Variants in FBN3 observed in about 807,000 individuals in gnomAD.
The protein encoded by FBN3 is fibrillin-3.
In FBN3, 234 loss-of-function variants were observed where a neutral mutation model predicts 330.1. The observed-to-expected ratio is 0.71, with a 90% confidence interval of 0.64 to 0.79. The LOEUF (loss-of-function observed/expected upper bound fraction) is 0.79, where lower values mean the gene tolerates loss of function less well. FBN3 is among the 30% of genes least tolerant of loss of function. The pLI, the probability that FBN3 is intolerant of heterozygous loss-of-function variation, is 0.00. For synonymous variants in FBN3, 1,458 were observed against 1,517.3 expected, an observed-to-expected ratio of 0.96 and a Z score of 0.91; for missense variants, 3,606 against 3,886.9, an observed-to-expected ratio of 0.93 and a Z score of 1.92.
rs776301980 is a variant in FBN3, at chr19:8,141,981, C to T, written c.698G>A (p.Arg233His). ...ELCPAQPHPC[R>H]RGFIPNIHTG... ...GTGGATATTGGGGATGAAGCCGCGG[C>T]GGCAGGGGTGTGGCTGTGCAGGGCA... The change falls in exon 7 of 64, where the codon CGC (arginine) becomes CAC (histidine). Residue 233 changes from arginine (R) to histidine (H), a missense_variant. Transcript: ENST00000600128. 29 of 1,614,016 alleles carry T rather than the reference C, an allele frequency of 1.8e-5. No homozygotes were observed. Among genetic ancestry groups the T allele is most frequent in the African/African-American group, 8.0e-5 (6 of 74,904 alleles).
intron 62 of FBN3, 61 bp downstream of exon 62, chr19:8,073,002 T>TGTGTGTGA: frequency 1.1e-6 from 1 of 930,896 alleles, no homozygotes; most frequent in Non-Finnish European, 1.7e-6. Context: ...TGTGTGTGTG[T>TGTGTGTGA]GCGTGCGTGC....
At position 8,096,775 on chromosome 19, in the gene FBN3, T is replaced by A; in HGVS notation, c.5413+106A>T. 7.6e-7 allele frequency: 1 copy of A among 1,313,104 alleles called. No homozygotes were observed. The highest frequency in any genetic ancestry group is 1.1e-6 in the Non-Finnish European group (1 of 946,352). 81.3% of individuals were successfully genotyped at this position (1,313,104 alleles called of 1,614,324 possible). A position where few individuals can be genotyped will look rare whatever the true frequency, so the allele number is the denominator to read the frequency against. On this transcript the variant is annotated intron_variant, in intron 43 of 63. Coordinates refer to ENST00000600128, the MANE Select transcript of FBN3 (RefSeq NM_032447.5). The surrounding 1 kb of genome is among the most constrained non-coding windows in gnomAD (Gnocchi z 4.6). ...ACTCTCAATACATCCCCCACCCCCC[T>A]AATAGTATAGAAAAGGAGAAAGACC... is the stretch of plus-strand genomic sequence containing the variant.
At chr19:8,104,161 A>C (rs2082388548) in intron 38 of FBN3, among the ~76,000 whole-genome samples, 1 of 75,788 alleles carries the variant, frequency 1.3e-5, no homozygotes, top group Admixed American at 1.8e-4. Context: ...ATATGACATT[A>C]AGTGAAAAAA....
Position 8,125,928 on chromosome 19 carries a change from C to T in FBN3, c.2695G>A (p.Gly899Ser), listed in dbSNP as rs2082969825. The T allele has an allele frequency of 6.2e-7, 1 of 1,613,560 alleles. No homozygotes were observed. Among genetic ancestry groups the T allele is most frequent in the Non-Finnish European group, 8.5e-7 (1 of 1,180,004 alleles). Residue 899 changes from glycine (G) to serine (S), a missense_variant, in exon 22 of 64, where the codon GGC (glycine) becomes AGC (serine). Gly to Ser is a moderately conservative substitution (Grantham distance 56). Coordinates refer to ENST00000600128, the MANE Select transcript of FBN3 (RefSeq NM_032447.5). ...CGGCCTGAGGCGTCCAGCATCAGGC[C>T]CTCTGGACACTCACAGCGGAAAGAC... ...AGSFRCECPE[G>S]LMLDASGRLC...
At chr19:8,105,877 C>G (rs949596231) in intron 38 of FBN3, among the ~76,000 whole-genome samples, 1 of 152,170 alleles carries the variant, frequency 6.6e-6, no homozygotes, top group African/African-American at 2.4e-5. Context: ...AAGGGAGTGT[C>G]GTGGCATTTT....
At chr19:8,126,226 A>T in intron 21 of FBN3, 71 bp downstream of exon 21, 1 of 1,506,496 alleles carries the variant, frequency 6.6e-7, no homozygotes, top group East Asian at 2.3e-5. Flanking sequence ...GGTGGCACCC[A>T]TGAGGGTGGT....
Position 8,094,474 on chromosome 19 carries a change from G to A in FBN3, c.5877C>T (p.Gly1959=), listed in dbSNP as rs1437524601. The A allele has an allele frequency of 2.5e-6, 4 of 1,613,632 alleles. No individual in the cohort carries two copies. Among genetic ancestry groups the A allele is most frequent in the Non-Finnish European group, 2.5e-6 (3 of 1,179,790 alleles). The change falls in exon 47 of 64, where the codon GGC becomes GGT. Residue 1959 remains glycine, a synonymous_variant. Coordinates refer to ENST00000600128, the MANE Select transcript of FBN3 (RefSeq NM_032447.5). ...EGSFRCICPP[G]FQVQSDHCID... is the part of the protein sequence containing the mutation. ...TGCAGTGGTCACTCTGCACCTGGAA[G>A]CCAGGGGGACAGATGCAGCGGAAGG...
At chr19:8,073,678 G>A (rs1176232638) in intron 61 of FBN3, among the ~76,000 whole-genome samples, 1 of 152,264 alleles carries the variant, frequency 6.6e-6, no homozygotes, top group East Asian at 1.9e-4. Flanking sequence ...AAACCTATCC[G>A]CCTCCAATTG....
In FBN3 at chr19:8,066,098, G is replaced by C; in HGVS notation, c.8251C>G (p.Arg2751Gly). The C allele has an allele frequency of 6.2e-7, 1 of 1,613,538 alleles. No homozygotes were observed. The highest frequency in any genetic ancestry group is 1.3e-5 in the African/African-American group (1 of 75,068). ...IVRGNEQGFF[R>G]MHHLRGVSSL... ...CTGACGCCACGGAGGTGATGCATGC[G>C]AAAGAAACCTTGCTCGTTTCCGCGG... The change falls in exon 64 of 64, where the codon CGC becomes GGC. Residue 2751 changes from arginine to glycine, a missense_variant. Arg to Gly is a moderately radical substitution (Grantham distance 125). Transcript: ENST00000600128.
At chr19:8,148,252 C>T (rs2083597133) in intron 1 of FBN3, among the ~76,000 whole-genome samples, 1 of 152,138 alleles carries the variant, frequency 6.6e-6, no homozygotes, top group Non-Finnish European at 1.5e-5. Context: ...CCTTTTCTAA[C>T]ATCACACCTC....
intron 8 of FBN3, among the ~76,000 whole-genome samples, chr19:8,139,943 C>T (rs2083374550): frequency 6.6e-6 from 1 of 151,910 alleles, no homozygotes; most frequent in Non-Finnish European, 1.5e-5. Context: ...CCTCCCCTTG[C>T]ACCTGGGGGC....
intron 9 of FBN3, 41 bp downstream of exon 9, chr19:8,138,371 C>G: frequency 6.2e-7 from 1 of 1,610,160 alleles, no homozygotes; most frequent in Non-Finnish European, 8.5e-7. Flanking sequence ...TCCCCTGTCC[C>G]CTCCTCACCC....
At position 8,129,159 on chromosome 19, in the gene FBN3, G is replaced by T; in HGVS notation, c.2171-6C>A. On this transcript the variant is annotated splice_polypyrimidine_tract_variant and splice_region_variant and intron_variant, in intron 17 of 63. Coordinates refer to ENST00000600128, the MANE Select transcript of FBN3 (RefSeq NM_032447.5). This position sits in a 1 kb window ranked among gnomAD's most constrained non-coding sequence, Gnocchi z 4.5. The stretch of plus-strand genomic sequence containing the variant: ...GAGGGCACACTCATCCACGTCTGTG[G>T]GGTGGGGGTGGGAGAGAGGGGTGAG... The T allele has an allele frequency of 6.2e-7, 1 of 1,612,742 alleles. No individual in the cohort carries two copies. Among genetic ancestry groups the T allele is most frequent in the Non-Finnish European group, 8.5e-7 (1 of 1,179,622 alleles).
At position 8,131,505 on chromosome 19, in the gene FBN3, A is replaced by G. The variant is rs767288554; in HGVS notation, c.1990+49T>C. The G allele has an allele frequency of 6.4e-7, 1 of 1,561,366 alleles. No homozygotes were observed. The highest frequency in any genetic ancestry group is 8.7e-7 in the Non-Finnish European group (1 of 1,149,640). On this transcript the variant is annotated intron_variant, in intron 15 of 63. Transcript: ENST00000600128. The surrounding 1 kb of genome is among the most constrained non-coding windows in gnomAD (Gnocchi z 4.5). Reference sequence around the variant, plus strand: ...CCCCACCAGAAGCGAGAACCGATGGAGGCATTCAGACCAAGGAGGCGATGG... The same window carrying G: ...CCCCACCAGAAGCGAGAACCGATGGGGGCATTCAGACCAAGGAGGCGATGG...
chr19:8,145,944 G>T lies in FBN3; in HGVS notation c.350-6C>A. On this transcript the variant is annotated splice_polypyrimidine_tract_variant and splice_region_variant and intron_variant, in intron 4 of 63. Coordinates refer to ENST00000600128, the MANE Select transcript of FBN3 (RefSeq NM_032447.5). ...GCTCACACTGCACCCTGACCCTGGG[G>T]ACAGGAAGGCAGGACGCATAGTAAT... The T allele has an allele frequency of 6.4e-7, 1 of 1,550,606 alleles. No individual in the cohort carries two copies. Among genetic ancestry groups the T allele is most frequent in the Non-Finnish European group, 8.7e-7 (1 of 1,146,456 alleles).
chr19:8,095,803 C>T (rs2082196159), intron 45 of FBN3, among the ~76,000 whole-genome samples, 161 bp downstream of exon 45: 1 of 152,024 alleles, frequency 6.6e-6, no homozygotes, highest in South Asian at 2.1e-4. Context: ...TTCTAATTTT[C>T]CTTATGATTT....
rs202201754 is a variant in FBN3 at position 8,131,850 on chromosome 19, C to A, written c.1715-21G>T. On this transcript the variant is annotated intron_variant, in intron 14 of 63. Transcript: ENST00000600128. This position sits in a 1 kb window ranked among gnomAD's most constrained non-coding sequence, Gnocchi z 4.5. ...AATGTCTGCAGAAGCAGTGGCGGCA[C>A]GGGGATGGGTTCCAGCGTGCTCCCT... 2 of 1,559,556 alleles carry A rather than the reference C, an allele frequency of 1.3e-6. No individual in the cohort carries two copies. The highest frequency in any genetic ancestry group is 1.7e-6 in the Non-Finnish European group (2 of 1,148,096).
chr19:8,065,975 G>A lies in FBN3; in HGVS notation c.8374C>T (p.Gln2792Ter). Residue 2792 changes from glutamine (Q) to a stop codon, truncating the protein, a stop_gained, in exon 64 of 64, where the codon CAG (glutamine) becomes TAG (stop). Transcript: ENST00000600128. LOFTEE classifies it low-confidence loss of function (END_TRUNC). ...AGPWGVQPEG[Q>*]PGPWGQALRL... ...AAGGCCTGGCCCCATGGCCCTGGCT[G>A]CCCCTCTGGCTGGACACCCCAGGGT... is the stretch of plus-strand genomic sequence containing the variant. 1.2e-6 allele frequency: 2 copies of A among 1,611,198 alleles called. No homozygotes were observed. Among genetic ancestry groups the A allele is most frequent in the Non-Finnish European group, 1.7e-6 (2 of 1,178,690 alleles).
At chr19:8,114,033 AT>A (rs2144845592) in intron 30 of FBN3, among the ~76,000 whole-genome samples, 1 of 151,864 alleles carries the variant, frequency 6.6e-6, no homozygotes, top group Non-Finnish European at 1.5e-5. Flanking sequence ...AACATGAAAA[AT>A]AAAAAAAAAT....
Sources: gnomAD v4.1 joint callset for allele counts (sites outside exome capture counted in the v4.1 genomes callset) on GRCh38, gnomAD v4.1.1 for gene constraint, Gnocchi (gnomAD v3.1) non-coding constraint, MANE v1.5 for transcripts, NCBI Gene and HGNC (gene_info 2026-07-23, HGNC 2026-07-21) for gene names.